Variants in FBXL13 observed in about 807,000 individuals in gnomAD.
The protein encoded by FBXL13 is F-box and leucine-rich repeat protein 13.
Under a neutral mutation model 83.6 loss-of-function variants are expected in FBXL13, and 67 were observed. That is an observed-to-expected ratio of 0.80 (90% confidence interval 0.66 to 0.98). The LOEUF (loss-of-function observed/expected upper bound fraction) is 0.98, where lower values mean the gene tolerates loss of function less well. Ranked by LOEUF, FBXL13 falls within the 50% of genes least tolerant of loss-of-function variation. The pLI, the probability that FBXL13 is intolerant of heterozygous loss-of-function variation, is 0.00. For missense variants in FBXL13, 822 were observed against 866.5 expected (o/e 0.95, Z 0.64); for synonymous variants, 272 against 299.5 (o/e 0.91, Z 0.95).
chr7:103,018,156 T>G (rs1284057201), intron 6 of FBXL13, among the ~76,000 whole-genome samples: 3 of 151,946 alleles, frequency 2.0e-5, no homozygotes, highest in Non-Finnish European at 4.4e-5. Context: ...CAGAAGAGAG[T>G]GGGGGCCAAT....
intron 10 of FBXL13, among the ~76,000 whole-genome samples, chr7:102,913,692 CA>C (rs1815229266): frequency 6.6e-6 from 1 of 152,106 alleles, no homozygotes; most frequent in Admixed American, 6.5e-5. Flanking sequence ...GGACAGAAGG[CA>C]AAACTGAATA....
intron 17 of FBXL13, among the ~76,000 whole-genome samples, chr7:102,835,610 T>TG (rs1352764959): frequency 3.3e-5 from 3 of 90,764 alleles, no homozygotes; most frequent in East Asian, 4.3e-4. Flanking sequence ...ATTGTTTTTT[T>TG]TTTTTTTTTT....
intron 2 of FBXL13, among the ~76,000 whole-genome samples, chr7:103,052,409 T>C (rs1796907871): frequency 6.6e-6 from 1 of 152,036 alleles, no homozygotes; most frequent in Non-Finnish European, 1.5e-5. Context: ...TACTTTAAAA[T>C]ATCAAAAATA....
chr7:102,882,193 C>T (rs1476209355), intron 14 of FBXL13, among the ~76,000 whole-genome samples: 2 of 151,888 alleles, frequency 1.3e-5, no homozygotes, highest in Non-Finnish European at 2.9e-5. Flanking sequence ...CCCAGGAGTT[C>T]AAGGTTACAG....
At chr7:102,960,211 C>T (rs886689908) in intron 8 of FBXL13, among the ~76,000 whole-genome samples, 4 of 151,974 alleles carry the variant, frequency 2.6e-5, no homozygotes, top group South Asian at 2.1e-4. Flanking sequence ...AGCACCTCTA[C>T]GCAAATAAAC....
At chr7:102,888,506 G>C (rs1351157820) in intron 11 of FBXL13, among the ~76,000 whole-genome samples, 1 of 152,226 alleles carries the variant, frequency 6.6e-6, no homozygotes, top group Non-Finnish European at 1.5e-5. Flanking sequence ...CACTTCTTCA[G>C]CCTGGGCAAC....
At chr7:102,972,733 A>G (rs1826868879) in intron 6 of FBXL13, among the ~76,000 whole-genome samples, 1 of 151,578 alleles carries the variant, frequency 6.6e-6, no homozygotes, top group South Asian at 2.1e-4. Flanking sequence ...TAAATAATAA[A>G]TAAAAAGATA....
chr7:102,859,894 G>C (rs1272630631), intron 16 of FBXL13, among the ~76,000 whole-genome samples: 1 of 152,214 alleles, frequency 6.6e-6, no homozygotes, highest in Non-Finnish European at 1.5e-5. Context: ...GAAGTCACCA[G>C]CATTGCAAGT....
At chr7:102,912,976 AGT>A in intron 11 of FBXL13, 108 bp downstream of exon 12, 2 of 1,392,768 alleles carry the variant, frequency 1.4e-6, no homozygotes, top group Non-Finnish European at 1.9e-6. Flanking sequence ...ACCTCTGAAA[AGT>A]GTGCTGCGGT....
chr7:102,932,264 T>A (rs556813364), intron 8 of FBXL13, among the ~76,000 whole-genome samples: 67 of 152,374 alleles, frequency 4.4e-4, no homozygotes, highest in African/African-American at 1.5e-3. Flanking sequence ...CCTGCTTTTT[T>A]ATTTTTTTGT....
chr7:102,831,056 C>A (rs1222352700), intron 18 of FBXL13, among the ~76,000 whole-genome samples: 3 of 152,124 alleles, frequency 2.0e-5, no homozygotes, highest in Admixed American at 6.6e-5. Context: ...TTGGGAACCA[C>A]CCCTGTCAGT....
At chr7:102,884,654 A>T (rs566921822) in intron 11 of FBXL13, among the ~76,000 whole-genome samples, 37 of 152,186 alleles carry the variant, frequency 2.4e-4, no homozygotes, top group Middle Eastern at 3.4e-3. Context: ...CTTTAAAAAA[A>T]TTTTTTTAAT....
intron 16 of FBXL13, among the ~76,000 whole-genome samples, chr7:102,871,064 C>G (rs1353264687): frequency 6.6e-6 from 1 of 152,094 alleles, no homozygotes; most frequent in Non-Finnish European, 1.5e-5. Context: ...CTTTAGTCTC[C>G]TTCATGGATT....
intron 11 of FBXL13, among the ~76,000 whole-genome samples, chr7:102,910,719 C>T (rs1286801210): frequency 1.3e-5 from 2 of 152,164 alleles, no homozygotes; most frequent in African/African-American, 2.4e-5. Context: ...ACAGCCAACA[C>T]TCCTAACAAA....
intron 18 of FBXL13, among the ~76,000 whole-genome samples, chr7:102,831,858 C>T (rs1275184015): frequency 6.6e-6 from 1 of 152,064 alleles, no homozygotes; most frequent in Non-Finnish European, 1.5e-5. Flanking sequence ...GTTCTGGTAG[C>T]GTTTCAAGAG....
chr7:103,062,083 A>C (rs1797984198), intron 1 of FBXL13, among the ~76,000 whole-genome samples: 1 of 150,504 alleles, frequency 6.6e-6, no homozygotes, highest in Admixed American at 6.6e-5. Context: ...TAGATTAAGT[A>C]CTCCCTCTGC....
chr7:102,944,211 C>T (rs149961330), intron 8 of FBXL13: 14 of 1,597,242 alleles, frequency 8.8e-6, no homozygotes, highest in East Asian at 2.2e-5. Flanking sequence ...TGTTTCCAGC[C>T]GCTTTTTTAG....
intron 19 of FBXL13, among the ~76,000 whole-genome samples, chr7:102,816,943 A>AT (rs950527304): frequency 3.9e-4 from 59 of 152,276 alleles, no homozygotes; most frequent in African/African-American, 1.3e-3. Flanking sequence ...TGATTTCATT[A>AT]TTTTTTATGA....
intron 10 of FBXL13, among the ~76,000 whole-genome samples, chr7:102,918,079 C>T (rs1483104583): frequency 6.6e-6 from 1 of 152,086 alleles, no homozygotes; most frequent in Non-Finnish European, 1.5e-5. Context: ...ATACTAAAAG[C>T]AATGAAGAGA....
Sources: gnomAD v4.1 joint callset for allele counts (sites outside exome capture counted in the v4.1 genomes callset) on GRCh38, gnomAD v4.1.1 for gene constraint, MANE v1.5 for transcripts, NCBI Gene and HGNC (gene_info 2026-07-23, HGNC 2026-07-21) for gene names.